Variants in TMEM108 observed in about 807,000 individuals in gnomAD.
TMEM108 encodes cancer/testis antigen 124.
Under a neutral mutation model 35.1 loss-of-function variants are expected in TMEM108, and 12 were observed. The ratio of observed to expected loss-of-function variants is 0.34; its 90% CI spans 0.22 to 0.55. TMEM108 has a LOEUF of 0.55. Ranked by LOEUF, TMEM108 falls within the 20% of genes least tolerant of loss-of-function variation. The pLI, the probability that TMEM108 is intolerant of heterozygous loss-of-function variation, is 0.89. For synonymous variants in TMEM108, 287 were observed against 308.6 expected, an observed-to-expected ratio of 0.93 and a Z score of 0.73; for missense variants, 680 against 753.3, an observed-to-expected ratio of 0.90 and a Z score of 1.14.
chr3:133,261,566 T>G (rs1308091711), intron 3 of TMEM108, among the ~76,000 whole-genome samples: 1 of 152,242 alleles, frequency 6.6e-6, no homozygotes, highest in African/African-American at 2.4e-5. Flanking sequence ...ATTACTGTTT[T>G]CCTGGAGGAT....
At chr3:133,149,380 A>G (rs1368277029) in intron 2 of TMEM108, among the ~76,000 whole-genome samples, 1 of 152,208 alleles carries the variant, frequency 6.6e-6, no homozygotes, top group African/African-American at 2.4e-5. Flanking sequence ...TGAGAACACT[A>G]AAGATCTCTT....
chr3:133,361,044 C>A (rs1462688951), intron 3 of TMEM108, among the ~76,000 whole-genome samples: 1 of 152,194 alleles, frequency 6.6e-6, no homozygotes, highest in Non-Finnish European at 1.5e-5. Context: ...ACTTCAAGAT[C>A]GTGTCTCTTC....
chr3:133,177,937 C>T (rs953773358), intron 2 of TMEM108, among the ~76,000 whole-genome samples: 20 of 152,182 alleles, frequency 1.3e-4, no homozygotes, highest in Non-Finnish European at 7.3e-5. Context: ...CCAAAATCTC[C>T]TCAAGCTGAT....
chr3:133,348,698 C>T (rs2107763734), intron 3 of TMEM108, among the ~76,000 whole-genome samples: 1 of 152,170 alleles, frequency 6.6e-6, no homozygotes, highest in African/African-American at 2.4e-5. Flanking sequence ...CTCCCTTTGG[C>T]TCAGTGAGAT....
At chr3:133,254,798 G>T (rs1047517701) in intron 3 of TMEM108, among the ~76,000 whole-genome samples, 2 of 152,182 alleles carry the variant, frequency 1.3e-5, no homozygotes, top group Non-Finnish European at 1.5e-5. Context: ...AGTGACTTAG[G>T]ATATAGGAAG....
At chr3:133,058,677 C>G (rs1943501992) in intron 2 of TMEM108, among the ~76,000 whole-genome samples, 1 of 152,258 alleles carries the variant, frequency 6.6e-6, no homozygotes. Context: ...CAATTCTGTT[C>G]CAGGCCTCCA....
intron 2 of TMEM108, among the ~76,000 whole-genome samples, chr3:133,214,696 A>C (rs1945880706): frequency 6.6e-6 from 1 of 152,166 alleles, no homozygotes; most frequent in Admixed American, 6.5e-5. Flanking sequence ...TGGGCCACAG[A>C]CTGGTACCAG....
chr3:133,272,073 G>A (rs1325666497), intron 3 of TMEM108, among the ~76,000 whole-genome samples: 1 of 152,202 alleles, frequency 6.6e-6, no homozygotes, highest in African/African-American at 2.4e-5. Context: ...GTTAACAGCT[G>A]AGCTTTGTGC....
chr3:133,110,515 T>C (rs180804104), intron 2 of TMEM108, among the ~76,000 whole-genome samples: 1 of 152,298 alleles, frequency 6.6e-6, no homozygotes, highest in East Asian at 1.9e-4. Context: ...ACATTTCTAG[T>C]TGGATCAGGA....
At chr3:133,130,001 G>C in intron 2 of TMEM108, among the ~76,000 whole-genome samples, 1 of 656 alleles carries the variant, frequency 1.5e-3, no homozygotes, top group Non-Finnish European at 4.5e-3. Flanking sequence ...AATATTAAAG[G>C]ACTTTTTTGC....
At chr3:133,326,368 C>A (rs978164357) in intron 3 of TMEM108, among the ~76,000 whole-genome samples, 3 of 152,130 alleles carry the variant, frequency 2.0e-5, no homozygotes, top group Non-Finnish European at 4.4e-5. Context: ...GGACGTGTCA[C>A]CCAAGGATCC....
At chr3:133,097,079 G>C (rs905539302) in intron 2 of TMEM108, among the ~76,000 whole-genome samples, 1 of 152,246 alleles carries the variant, frequency 6.6e-6, no homozygotes, top group African/African-American at 2.4e-5. Context: ...GTTAAGTTCT[G>C]TAGAGGCCAT....
intron 2 of TMEM108, among the ~76,000 whole-genome samples, chr3:133,180,229 G>A (rs899170263): frequency 6.6e-6 from 1 of 152,044 alleles, no homozygotes; most frequent in African/African-American, 2.4e-5. Flanking sequence ...AATGTTCTGT[G>A]GGAATATTGC....
intron 4 of TMEM108, chr3:133,388,247 G>A: frequency 2.0e-6 from 2 of 985,532 alleles, no homozygotes; most frequent in Non-Finnish European, 2.4e-6. Flanking sequence ...GGAGCAGAGT[G>A]AAAGGTAGTG....
intron 3 of TMEM108, among the ~76,000 whole-genome samples, chr3:133,307,197 T>A (rs896018471): frequency 9.9e-5 from 15 of 152,222 alleles, no homozygotes; most frequent in Non-Finnish European, 2.2e-4. Flanking sequence ...TTCATAACCT[T>A]TGCCCACTTT....
intron 2 of TMEM108, among the ~76,000 whole-genome samples, chr3:133,140,837 G>C (rs988658859): frequency 6.6e-6 from 1 of 151,964 alleles, no homozygotes; most frequent in Non-Finnish European, 1.5e-5. Flanking sequence ...CTAATCAAAA[G>C]TTATTTTATT....
intron 2 of TMEM108, among the ~76,000 whole-genome samples, chr3:133,067,608 A>G (rs770843475): frequency 1.3e-5 from 2 of 152,238 alleles, no homozygotes; most frequent in Non-Finnish European, 2.9e-5. Context: ...AGCTCAACAC[A>G]TAAGTTGAAT....
chr3:133,178,098 C>G (rs376362471), intron 2 of TMEM108, among the ~76,000 whole-genome samples: 1 of 152,074 alleles, frequency 6.6e-6, no homozygotes, highest in East Asian at 1.9e-4. Context: ...TAGGAATCCA[C>G]CTTCCAAGGG....
At chr3:133,125,014 A>T (rs564338369) in intron 2 of TMEM108, 1 of 152,200 alleles carries the variant, frequency 6.6e-6, no homozygotes. Flanking sequence ...CTCTTATGCT[A>T]CTCTGAAGAT....
Sources: gnomAD v4.1 joint callset for allele counts (sites outside exome capture counted in the v4.1 genomes callset) on GRCh38, gnomAD v4.1.1 for gene constraint, MANE v1.5 for transcripts, NCBI Gene and HGNC (gene_info 2026-07-23, HGNC 2026-07-21) for gene names.